Variants in KIFAP3 observed in about 807,000 individuals in gnomAD.
The protein encoded by KIFAP3 is kinesin associated protein 3.
A neutral mutation model predicts 106.5 loss-of-function variants in KIFAP3; 68 were observed. The ratio of observed to expected loss-of-function variants is 0.64; its 90% CI spans 0.53 to 0.78. The LOEUF (loss-of-function observed/expected upper bound fraction) is 0.78. KIFAP3 is among the 30% of genes least tolerant of loss of function. KIFAP3 has a pLI of 0.00. For synonymous variants in KIFAP3, 320 were observed against 311.5 expected (o/e 1.03, Z -0.29); for missense variants, 780 against 941.8 (o/e 0.83, Z 2.25).
intron 1 of KIFAP3, among the ~76,000 whole-genome samples, chr1:170,065,553 G>T (rs1477239972): frequency 1.4e-5 from 2 of 140,192 alleles, no homozygotes; most frequent in African/African-American, 5.4e-5. Context: ...GGCGGAGCTT[G>T]CAGTGAGCCA....
At chr1:170,055,716 A>G (rs1363490231) in intron 1 of KIFAP3, among the ~76,000 whole-genome samples, 1 of 152,216 alleles carries the variant, frequency 6.6e-6, no homozygotes, top group Non-Finnish European at 1.5e-5. Context: ...ACATTTACCA[A>G]AGAATCATGC....
At chr1:169,950,909 T>G (rs1436661148) in intron 19 of KIFAP3, among the ~76,000 whole-genome samples, 1 of 151,958 alleles carries the variant, frequency 6.6e-6, no homozygotes, top group East Asian at 1.9e-4. Flanking sequence ...ATGTAACAAT[T>G]TAAAATACTT....
intron 17 of KIFAP3, among the ~76,000 whole-genome samples, chr1:169,964,868 G>A (rs1299833134): frequency 6.6e-6 from 1 of 152,116 alleles, no homozygotes; most frequent in Non-Finnish European, 1.5e-5. Flanking sequence ...TACACTTTTT[G>A]TTGCCATATG....
chr1:169,994,853 GAAGA>G (rs573272151), intron 10 of KIFAP3, among the ~76,000 whole-genome samples: 116 of 152,088 alleles, frequency 7.6e-4, no homozygotes, highest in African/African-American at 2.5e-3. Flanking sequence ...AATTTATAAA[GAAGA>G]GAGAAGCTGA....
chr1:169,987,166 C>T (rs1185728287), intron 11 of KIFAP3, among the ~76,000 whole-genome samples: 1 of 152,052 alleles, frequency 6.6e-6, no homozygotes, highest in South Asian at 2.1e-4. Flanking sequence ...TATGATGGCA[C>T]TTCAAAAGTA....
At chr1:170,057,583 G>T (rs1670914779) in intron 1 of KIFAP3, among the ~76,000 whole-genome samples, 2 of 138,256 alleles carry the variant, frequency 1.4e-5, no homozygotes, top group Non-Finnish European at 3.1e-5. Context: ...AAGAGAGAAT[G>T]ACAGCTATAG....
intron 19 of KIFAP3, among the ~76,000 whole-genome samples, chr1:169,947,827 T>C (rs575608855): frequency 1.3e-5 from 2 of 151,766 alleles, no homozygotes; most frequent in Non-Finnish European, 3.0e-5. Context: ...AAATTAAAAG[T>C]TCACTGTGGT....
At position 170,008,054 on chromosome 1, in the gene KIFAP3, C is replaced by T. The variant is rs534688945; in HGVS notation, c.1183+8408G>A. On this transcript the variant is annotated intron_variant, in intron 10 of 19. Transcript: ENST00000361580. The stretch of plus-strand genomic sequence containing the variant: ...TATTTAATAAATGGTGTTGGGAAAA[C>T]TGGCTAGCCATATGCAGAAAACTAC... Among the ~76,000 whole-genome samples the T allele has an allele frequency of 4.6e-5, 7 of 152,058 alleles. No homozygotes were observed. The South Asian group carries it at 1.0e-3, about 23-fold the overall frequency.
At chr1:170,018,498 T>C (rs1412714034) in intron 9 of KIFAP3, among the ~76,000 whole-genome samples, 3 of 151,200 alleles carry the variant, frequency 2.0e-5, no homozygotes, top group African/African-American at 4.9e-5. Flanking sequence ...TACAAAGCAA[T>C]GGCAAAAAAA....
At chr1:170,078,815 A>T (rs1433210155), upstream of KIFAP3, among the ~76,000 whole-genome samples, 1 of 152,250 alleles carries the variant, frequency 6.6e-6, no homozygotes, top group Non-Finnish European at 1.5e-5. Context: ...AAAGGTCAGC[A>T]TTATCCTGAT....
upstream of KIFAP3, among the ~76,000 whole-genome samples, chr1:170,077,412 T>C (rs900170248): frequency 1.3e-5 from 2 of 152,180 alleles, no homozygotes; most frequent in Non-Finnish European, 2.9e-5. Context: ...GGAGAATGAA[T>C]GAATACATTT....
chr1:170,082,815 A>G (rs1672041506), intron 1 of KIFAP3, among the ~76,000 whole-genome samples: 1 of 152,074 alleles, frequency 6.6e-6, no homozygotes, highest in Admixed American at 6.6e-5. Flanking sequence ...TCTATCAAAA[A>G]TACAAAAATT....
intron 10 of KIFAP3, among the ~76,000 whole-genome samples, chr1:170,010,994 C>A (rs1159408984): frequency 3.3e-5 from 5 of 151,858 alleles, no homozygotes; most frequent in African/African-American, 4.8e-5. Context: ...GAACATATAT[C>A]AAACAGTGAG....
At position 170,046,732 on chromosome 1, in the gene KIFAP3, C is replaced by A. The variant is rs201441472; in HGVS notation, c.299G>T (p.Arg100Leu). The change falls in exon 3 of 20, where the codon CGT becomes CTT. Residue 100 changes from arginine (R) to leucine (L), a missense_variant. Arg to Leu is a moderately radical substitution (Grantham distance 102, BLOSUM62 -2). Coordinates refer to ENST00000361580, the MANE Select transcript of KIFAP3 (RefSeq NM_014970.4). ...CTTACCTTTTCCTGACAATGAATCA[C>A]GGCGGTTCTGTAGATAGTACAACAG... ...EQLLYYLQNR[R>L]DSLSGKEKKE... The A allele has an allele frequency of 5.1e-6, 8 of 1,568,658 alleles. No homozygotes were observed. Among genetic ancestry groups the A allele is most frequent in the Non-Finnish European group, 6.9e-6 (8 of 1,156,414 alleles).
intron 19 of KIFAP3, among the ~76,000 whole-genome samples, chr1:169,947,856 A>G (rs1406576141): frequency 4.0e-5 from 6 of 151,674 alleles, no homozygotes; most frequent in African/African-American, 1.5e-4. Flanking sequence ...TAAAAAGTGA[A>G]GAAGTTTATG....
At chr1:169,945,038 TC>T (rs1664358367) in intron 19 of KIFAP3, among the ~76,000 whole-genome samples, 1 of 152,078 alleles carries the variant, frequency 6.6e-6, no homozygotes, top group Admixed American at 6.5e-5. Flanking sequence ...CAACATGCCA[TC>T]CAGGGTGCCC....
intron 10 of KIFAP3, among the ~76,000 whole-genome samples, chr1:169,999,673 G>C (rs536507682): frequency 6.6e-6 from 1 of 152,104 alleles, no homozygotes; most frequent in Non-Finnish European, 1.5e-5. Flanking sequence ...TAAGTACTTC[G>C]ATAGGATTTC....
At chr1:170,067,697 T>G (rs78698239) in intron 1 of KIFAP3, 1 of 152,234 alleles carries the variant, frequency 6.6e-6, no homozygotes, top group Non-Finnish European at 1.5e-5. Context: ...TGACTAATTT[T>G]AAACTCTTAT....
intron 17 of KIFAP3, among the ~76,000 whole-genome samples, chr1:169,967,901 C>A (rs1053613872): frequency 6.6e-6 from 1 of 151,818 alleles, no homozygotes; most frequent in African/African-American, 2.4e-5. Flanking sequence ...CCCTATACCC[C>A]CAGCCCCATA....
Sources: allele counts gnomAD v4.1 joint callset (sites outside exome capture counted in the v4.1 genomes callset), GRCh38; gene constraint gnomAD v4.1.1; transcripts MANE v1.5; gene names NCBI Gene and HGNC (gene_info 2026-07-23, HGNC 2026-07-21).